SND1: variants seen among roughly 807,000 people sequenced by gnomAD.
The protein encoded by SND1 is staphylococcal nuclease and tudor domain containing 1.
Under a neutral mutation model 121.7 loss-of-function variants are expected in SND1, and 38 were observed. The observed-to-expected ratio is 0.31, with a 90% CI of 0.24 to 0.41. The LOEUF (loss-of-function observed/expected upper bound fraction) is 0.41, where lower values mean the gene tolerates loss of function less well. SND1 is among the 10% of genes least tolerant of loss of function. The probability of loss-of-function intolerance (pLI) is 1.00; values close to 1 mark genes in which losing one functional copy is unlikely to be tolerated. For synonymous variants in SND1, 401 were observed against 447.4 expected (o/e 0.90, Z 1.31); for missense variants, 868 against 1,184.6 (o/e 0.73, Z 3.92).
intron 20 of SND1, among the ~76,000 whole-genome samples, chr7:128,086,065 G>A (rs2117066239): frequency 6.6e-6 from 1 of 152,298 alleles, no homozygotes; most frequent in Non-Finnish European, 1.5e-5. Context: ...GCAGAATGGG[G>A]GCAGGGCCTC....
intron 10 of SND1, among the ~76,000 whole-genome samples, chr7:127,786,532 A>G (rs1261165726): frequency 6.6e-6 from 1 of 152,052 alleles, no homozygotes; most frequent in Admixed American, 6.5e-5. Context: ...AAGGACTATG[A>G]GTTTCTTTAC....
chr7:127,673,315 T>C (rs993221561), intron 1 of SND1, among the ~76,000 whole-genome samples: 2 of 151,674 alleles, frequency 1.3e-5, no homozygotes, highest in Non-Finnish European at 2.9e-5. Context: ...AAATATCTTA[T>C]TTATTTATTT....
intron 10 of SND1, among the ~76,000 whole-genome samples, chr7:127,754,550 T>C (rs948312274): frequency 3.3e-5 from 5 of 152,236 alleles, no homozygotes; most frequent in Non-Finnish European, 7.3e-5. Flanking sequence ...TTTACCCTTA[T>C]CACAGTGGAG....
At chr7:127,747,676 C>G (rs1267553495) in intron 10 of SND1, among the ~76,000 whole-genome samples, 1 of 152,188 alleles carries the variant, frequency 6.6e-6, no homozygotes, top group Non-Finnish European at 1.5e-5. Flanking sequence ...ATGACTCTTG[C>G]ATGTATAGGC....
intron 10 of SND1, among the ~76,000 whole-genome samples, chr7:127,722,682 T>G (rs1796517116): frequency 6.6e-6 from 1 of 152,194 alleles, no homozygotes; most frequent in South Asian, 2.1e-4. Context: ...TGTTTTCATT[T>G]GTGTGAGAGT....
chr7:127,726,360 C>T (rs1796583331), intron 10 of SND1, among the ~76,000 whole-genome samples: 1 of 152,196 alleles, frequency 6.6e-6, no homozygotes, highest in Admixed American at 6.5e-5. Flanking sequence ...TGGATTAATC[C>T]AGTGTCAACC....
At chr7:127,961,908 G>A (rs143081915) in intron 15 of SND1, among the ~76,000 whole-genome samples, 137 of 152,250 alleles carry the variant, frequency 9.0e-4, no homozygotes, top group African/African-American at 3.1e-3. Context: ...TGGCCGAAGC[G>A]CCTCTTATCA....
intron 16 of SND1, among the ~76,000 whole-genome samples, chr7:128,062,845 G>A (rs1044617554): frequency 6.6e-6 from 1 of 152,126 alleles, no homozygotes; most frequent in African/African-American, 2.4e-5. Context: ...TCTAAGCCCC[G>A]GATTCCTTCA....
At chr7:127,877,327 T>G (rs925224613) in intron 12 of SND1, among the ~76,000 whole-genome samples, 1 of 152,162 alleles carries the variant, frequency 6.6e-6, no homozygotes, top group Non-Finnish European at 1.5e-5. Flanking sequence ...CTTTTAACAC[T>G]GTATTCTCTA....
intron 11 of SND1, among the ~76,000 whole-genome samples, chr7:127,842,829 C>G (rs1798988674): frequency 6.6e-6 from 1 of 152,030 alleles, no homozygotes; most frequent in Admixed American, 6.6e-5. Context: ...GTTTGTTGTT[C>G]TTAATAACTC....
At chr7:127,672,112 G>A (rs1795527091) in intron 1 of SND1, among the ~76,000 whole-genome samples, 4 of 152,094 alleles carry the variant, frequency 2.6e-5, no homozygotes, top group Admixed American at 2.6e-4. Flanking sequence ...ATATTATAGT[G>A]AGTAGGCAAA....
rs1164305014 is a variant in SND1 at position 127,798,651 on chromosome 7, A to AC, written c.1153-8828dup. Among the ~76,000 whole-genome samples, 4 of 151,390 alleles carry AC rather than the reference A, an allele frequency of 2.6e-5. No homozygotes were observed. In the East Asian group the frequency reaches 7.8e-4, roughly 29 times the overall value. On this transcript the variant is annotated intron_variant, in intron 10 of 23. Coordinates refer to ENST00000354725, the MANE Select transcript of SND1 (RefSeq NM_014390.4). Reference sequence around the variant, plus strand: ...GCTTTCTGCATTTAATAAAACTCTGACCCCCTCTTTGTTTTATTGCCTTCG... The same window carrying AC: ...GCTTTCTGCATTTAATAAAACTCTGACCCCCCTCTTTGTTTTATTGCCTTCG...
At chr7:127,817,331 G>A (rs1489230558) in intron 11 of SND1, among the ~76,000 whole-genome samples, 1 of 152,070 alleles carries the variant, frequency 6.6e-6, no homozygotes, top group African/African-American at 2.4e-5. Context: ...GTATTTAATG[G>A]TCTCAGCTTC....
intron 1 of SND1, among the ~76,000 whole-genome samples, chr7:127,656,948 G>A (rs806172): frequency 0.73 from 110,460 of 152,090 alleles, 41,613 homozygotes; most frequent in African/African-American, 0.92. Flanking sequence ...CCCATTTCCC[G>A]GCAGGTAAGC....
intron 12 of SND1, among the ~76,000 whole-genome samples, chr7:127,883,641 C>T (rs1014624661): frequency 6.6e-6 from 1 of 152,150 alleles, no homozygotes. Flanking sequence ...GATATTAACA[C>T]ATTGCTATCA....
At chr7:127,795,835 C>T (rs1279304671) in intron 10 of SND1, among the ~76,000 whole-genome samples, 1 of 151,626 alleles carries the variant, frequency 6.6e-6, no homozygotes, top group Non-Finnish European at 1.5e-5. Context: ...GTTTTCTAAT[C>T]TTTTATTTAT....
At chr7:127,667,740 C>A (rs998024307) in intron 1 of SND1, among the ~76,000 whole-genome samples, 1 of 152,182 alleles carries the variant, frequency 6.6e-6, no homozygotes, top group African/African-American at 2.4e-5. Context: ...ACAGATCAGG[C>A]GTCGAAAAAT....
chr7:127,737,257 A>G (rs1010349422), intron 10 of SND1, among the ~76,000 whole-genome samples: 2 of 152,178 alleles, frequency 1.3e-5, no homozygotes, highest in African/African-American at 4.8e-5. Flanking sequence ...GAGTACTGTC[A>G]ACCTAGTCTT....
At chr7:128,031,493 C>G (rs1348972118) in intron 16 of SND1, 1 of 151,606 alleles carries the variant, frequency 6.6e-6, no homozygotes, top group Non-Finnish European at 1.5e-5. Context: ...CCTTCGCCCT[C>G]CCCAGACACA....
Sources: allele counts gnomAD v4.1 joint callset (sites outside exome capture counted in the v4.1 genomes callset), GRCh38; gene constraint gnomAD v4.1.1; transcripts MANE v1.5; gene names NCBI Gene and HGNC (gene_info 2026-07-23, HGNC 2026-07-21).